The following C2orf80 variants were observed in gnomAD, a reference collection of about 807,000 sequenced individuals.
C2orf80 encodes chromosome 2 open reading frame 80, also known as uncharacterized protein C2orf80.
In C2orf80, 28 loss-of-function variants were observed where a neutral mutation model predicts 30.2. The observed-to-expected ratio is 0.93, with a 90% CI of 0.69 to 1.27. The LOEUF (loss-of-function observed/expected upper bound fraction) is 1.27, where lower values mean the gene tolerates loss of function less well. C2orf80 is among the 50% of genes most tolerant of loss of function. The pLI, the probability that C2orf80 is intolerant of heterozygous loss-of-function variation, is 0.00. For missense variants in C2orf80, 220 were observed against 231.0 expected (o/e 0.95, Z 0.31); for synonymous variants, 80 against 76.4 (o/e 1.05, Z -0.24).
intron 4 of C2orf80, among the ~76,000 whole-genome samples, 153 bp downstream of exon 4, chr2:208,182,812 G>A (rs562968136): frequency 6.6e-6 from 1 of 152,182 alleles, no homozygotes; most frequent in Non-Finnish European, 1.5e-5. Flanking sequence ...AACTGTTCAG[G>A]TTCCTCAGGT....
intron 6 of C2orf80, among the ~76,000 whole-genome samples, chr2:208,178,223 C>T (rs1696429726): frequency 2.0e-5 from 3 of 152,128 alleles, no homozygotes. Flanking sequence ...GTCCACAGTG[C>T]CATCCTCTCT....
In C2orf80 at chr2:208,189,958, G is replaced by A. The variant is rs184195068; in HGVS notation, c.-81C>T. ...CCCCTTTGAGAATCGCTCACCAACC[G>A]GAGACCGGTTCCAGTGCTTTTGTTC... On this transcript the variant is annotated 5_prime_UTR_variant, in exon 1 of 9. Transcript: ENST00000341287. 9.1e-4 allele frequency: 639 copies of A among 702,894 alleles called. 1 individual carries two copies. Among genetic ancestry groups the A allele is most frequent in the Non-Finnish European group, 1.1e-3 (410 of 384,962 alleles). The allele number at this position is 702,894 out of a possible 1,614,324, so 43.5% of individuals were successfully genotyped here.
At chr2:208,179,196 C>T (rs544989387) in intron 6 of C2orf80, among the ~76,000 whole-genome samples, 1 of 152,318 alleles carries the variant, frequency 6.6e-6, no homozygotes, top group Non-Finnish European at 1.5e-5. Flanking sequence ...CTAGAGGGAT[C>T]AGAGAGAAAG....
Position 208,175,624 on chromosome 2 carries a change from C to A in C2orf80, c.367-3549G>T, listed in dbSNP as rs560248173. On this transcript the variant is annotated intron_variant, in intron 6 of 8. Coordinates refer to ENST00000341287, the MANE Select transcript of C2orf80 (RefSeq NM_001099334.3). ...TCTTCATAATCTGATTAGTATTCAA[C>A]AGAGTTTTAAGCTTTTGCTTGGGAA... 3.3e-5 allele frequency among the ~76,000 whole-genome samples: 5 copies of A among 152,214 alleles called. No individual in the cohort carries two copies. The South Asian group carries it at 6.2e-4, about 19-fold the overall frequency.
At chr2:208,172,334 A>C (rs964120323) in intron 6 of C2orf80, among the ~76,000 whole-genome samples, 1 of 152,138 alleles carries the variant, frequency 6.6e-6, no homozygotes, top group Non-Finnish European at 1.5e-5. Context: ...CACTCTTCAC[A>C]TAGTTCCCTT....
intron 6 of C2orf80, among the ~76,000 whole-genome samples, chr2:208,176,021 C>T (rs533759802): frequency 2.6e-5 from 4 of 152,168 alleles, no homozygotes; most frequent in African/African-American, 4.8e-5. Flanking sequence ...TCAAATTACG[C>T]CCTCTGTGAT....
In C2orf80 at chr2:208,176,943, GTATAC is replaced by G. The variant is rs1696343985; in HGVS notation, c.366+3797_366+3801del. ...TCTGTATACATATGTATACATATCT[GTATAC>G]ATATCTGTATACATATGTATACATA... On this transcript the variant is annotated intron_variant, in intron 6 of 8. Transcript: ENST00000341287. Among the ~76,000 whole-genome samples, 15 of 87,718 alleles carry G rather than the reference GTATAC, an allele frequency of 1.7e-4. 3 individuals are homozygous for G. The South Asian group carries it at 5.3e-3, about 31-fold the overall frequency. The allele number at this position is 87,718 out of a possible 152,430, so 57.5% of individuals were successfully genotyped here.
chr2:208,181,315 A>G lies in C2orf80; in HGVS notation c.207-10T>C, dbSNP rs1696552481. The G allele has an allele frequency of 1.3e-6, 2 of 1,538,162 alleles. No individual in the cohort carries two copies. Among genetic ancestry groups the G allele is most frequent in the East Asian group, 2.2e-5 (1 of 44,472 alleles). ...ATGGAGTGGTATTTTCCTAATGGGG[A>G]ATAGGAAATACAAGTGGAAGATTTA... On this transcript the variant is annotated splice_polypyrimidine_tract_variant and intron_variant, in intron 4 of 8. Coordinates refer to ENST00000341287, the MANE Select transcript of C2orf80 (RefSeq NM_001099334.3).
At position 208,180,806 on chromosome 2, in the gene C2orf80, G is replaced by A. The variant is rs200965350; in HGVS notation, c.305C>T (p.Pro102Leu). 4.1e-5 allele frequency: 66 copies of A among 1,613,002 alleles called. No individual in the cohort carries two copies. The highest frequency in any genetic ancestry group is 1.0e-4 in the Admixed American group (6 of 59,950). The change falls in exon 6 of 9, where the codon CCG (proline) becomes CTG (leucine). Residue 102 changes from proline to leucine, a missense_variant. Transcript: ENST00000341287. Reference sequence around the variant, plus strand: ...ATAAATTTTAAAGACTTCCTCAATCGGGATACTGTTCTGTTAAACAACAAC... The same window carrying A: ...ATAAATTTTAAAGACTTCCTCAATCAGGATACTGTTCTGTTAAACAACAAC... ...SYAGILMNSI[P>L]IEEVFKIYGA...
chr2:208,171,906 T>G, intron 7 of C2orf80, 82 bp downstream of exon 7: 1 of 1,161,278 alleles, frequency 8.6e-7, no homozygotes, highest in Non-Finnish European at 1.3e-6. Flanking sequence ...CATTACAATT[T>G]TGACCTTACC....
chr2:208,174,273 T>C (rs1353706117), intron 6 of C2orf80, among the ~76,000 whole-genome samples: 1 of 152,100 alleles, frequency 6.6e-6, no homozygotes, highest in Non-Finnish European at 1.5e-5. Flanking sequence ...GATCTGTCAA[T>C]ATTGAACTTT....
chr2:208,168,952 C>T (rs1264638851), intron 8 of C2orf80, among the ~76,000 whole-genome samples: 1 of 151,474 alleles, frequency 6.6e-6, no homozygotes, highest in Non-Finnish European at 1.5e-5. Context: ...AAGGACTATT[C>T]GCTTACTACC....
At chr2:208,182,498 T>C (rs1696589882) in intron 4 of C2orf80, among the ~76,000 whole-genome samples, 1 of 152,196 alleles carries the variant, frequency 6.6e-6, no homozygotes, top group Admixed American at 6.5e-5. Context: ...CTCTGCCTCC[T>C]GGGTTCAAGT....
chr2:208,165,880 T>G, intron 8 of C2orf80, 65 bp from the exon 9 acceptor site: 1 of 1,133,282 alleles, frequency 8.8e-7, no homozygotes, highest in Non-Finnish European at 1.3e-6. Flanking sequence ...GACATTACTT[T>G]AAGTCTATAG....
At chr2:208,174,563 C>T (rs563762732) in intron 6 of C2orf80, among the ~76,000 whole-genome samples, 4 of 152,196 alleles carry the variant, frequency 2.6e-5, no homozygotes, top group Non-Finnish European at 4.4e-5. Flanking sequence ...CTCACTGAGT[C>T]CTCAGAGTGA....
chr2:208,174,368 A>C (rs759292475), intron 6 of C2orf80, among the ~76,000 whole-genome samples: 1 of 152,208 alleles, frequency 6.6e-6, no homozygotes, highest in Non-Finnish European at 1.5e-5. Context: ...TCCTCCAAAA[A>C]GAGAAGATGC....
chr2:208,171,085 A>T, intron 7 of C2orf80, 22 bp from the exon 8 acceptor site: 1 of 1,489,782 alleles, frequency 6.7e-7, no homozygotes, highest in Non-Finnish European at 9.3e-7. Flanking sequence ...TGCAGTAACC[A>T]TATCTGTATA....
rs549461148 is a variant in C2orf80, at chr2:208,188,469, C to T, written c.-75-1408G>A. Among the ~76,000 whole-genome samples the T allele has an allele frequency of 6.8e-5, 10 of 147,410 alleles. No homozygotes were observed. The South Asian group carries it at 8.5e-4, about 12-fold the overall frequency. The stretch of plus-strand genomic sequence containing the variant: ...TTGGATTTTTTTTTTTTTTTTGAGA[C>T]GGAGTCTCGGTCTGTCACCAGGCTG... On this transcript the variant is annotated intron_variant, in intron 1 of 8. Transcript: ENST00000341287.
At chr2:208,185,684 A>C (rs1363989808) in intron 2 of C2orf80, among the ~76,000 whole-genome samples, 1 of 152,186 alleles carries the variant, frequency 6.6e-6, no homozygotes, top group Non-Finnish European at 1.5e-5. Context: ...GGCATCTCCC[A>C]GGTTGATTTT....
Sources: gnomAD v4.1 joint callset for allele counts (sites outside exome capture counted in the v4.1 genomes callset) on GRCh38, gnomAD v4.1.1 for gene constraint, MANE v1.5 for transcripts, NCBI Gene and HGNC (gene_info 2026-07-23, HGNC 2026-07-21) for gene names.